The following NXPH2 variants were observed in gnomAD, a reference collection of about 807,000 sequenced individuals.
The protein encoded by NXPH2 is neurexophilin-2.
NXPH2 carries 5 observed loss-of-function variants against 19.8 expected under a neutral mutation model. The observed-to-expected ratio is 0.25, with a 90% confidence interval of 0.13 to 0.53. The LOEUF (loss-of-function observed/expected upper bound fraction) is 0.53. Among genes scored for constraint, NXPH2 ranks in the 20% least tolerant of loss-of-function variants. The probability of loss-of-function intolerance (pLI) is 0.96; values close to 1 mark genes in which losing one functional copy is unlikely to be tolerated. For missense variants in NXPH2, 289 were observed against 322.8 expected, an observed-to-expected ratio of 0.90 and a Z score of 0.80; for synonymous variants, 154 against 127.4, an observed-to-expected ratio of 1.21 and a Z score of -1.41.
At chr2:138,719,084 G>A (rs1170256373) in intron 1 of NXPH2, among the ~76,000 whole-genome samples, 3 of 152,054 alleles carry the variant, frequency 2.0e-5, no homozygotes, top group Non-Finnish European at 2.9e-5. Flanking sequence ...CAGTAAGAAA[G>A]ACAGCTTTTC....
At chr2:138,759,998 A>G (rs1573981147) in intron 1 of NXPH2, among the ~76,000 whole-genome samples, 1 of 152,084 alleles carries the variant, frequency 6.6e-6, no homozygotes, top group Non-Finnish European at 1.5e-5. Flanking sequence ...CAAAGTGCTG[A>G]GATTACAGGC....
intron 1 of NXPH2, among the ~76,000 whole-genome samples, chr2:138,703,548 G>A (rs767230792): frequency 3.9e-5 from 6 of 152,132 alleles, no homozygotes; most frequent in African/African-American, 7.2e-5. Context: ...GCATTGGAGA[G>A]GTTCGCATAT....
intron 1 of NXPH2, among the ~76,000 whole-genome samples, chr2:138,750,693 T>A (rs1481606875): frequency 6.6e-6 from 1 of 152,132 alleles, no homozygotes; most frequent in Non-Finnish European, 1.5e-5. Context: ...GCAAATCTGC[T>A]GGACAAAAAT....
chr2:138,706,703 G>A (rs1199231355), intron 1 of NXPH2, among the ~76,000 whole-genome samples: 1 of 152,054 alleles, frequency 6.6e-6, no homozygotes, highest in Non-Finnish European at 1.5e-5. Flanking sequence ...CTTGAAGTCA[G>A]GAGTTTGAGA....
chr2:138,688,136 G>A (rs938941273), intron 1 of NXPH2, among the ~76,000 whole-genome samples: 2 of 152,102 alleles, frequency 1.3e-5, no homozygotes, highest in Admixed American at 6.6e-5. Context: ...GGGCAGTATG[G>A]CCATTTTCAC....
intron 1 of NXPH2, among the ~76,000 whole-genome samples, chr2:138,731,369 C>A (rs534941472): frequency 1.3e-5 from 2 of 152,034 alleles, no homozygotes; most frequent in Admixed American, 1.3e-4. Context: ...TGTGTACCTG[C>A]TCTTGCCAGC....
At chr2:138,755,613 A>G (rs1319957356) in intron 1 of NXPH2, among the ~76,000 whole-genome samples, 1 of 152,044 alleles carries the variant, frequency 6.6e-6, no homozygotes. Context: ...AGGTAATGTG[A>G]GCCCTTCAGT....
intron 1 of NXPH2, among the ~76,000 whole-genome samples, chr2:138,731,161 A>C (rs74574350): frequency 0.02 from 2,979 of 152,118 alleles, 93 homozygotes; most frequent in African/African-American, 0.068. Flanking sequence ...GCTTTTTTAG[A>C]GCAGGAACCA....
At chr2:138,730,113 T>G (rs1681424624) in intron 1 of NXPH2, among the ~76,000 whole-genome samples, 1 of 152,158 alleles carries the variant, frequency 6.6e-6, no homozygotes, top group African/African-American at 2.4e-5. Context: ...TGCTTCCTCT[T>G]ACAAGAACAC....
At chr2:138,720,834 T>C (rs1349396390) in intron 1 of NXPH2, among the ~76,000 whole-genome samples, 2 of 152,140 alleles carry the variant, frequency 1.3e-5, no homozygotes. Flanking sequence ...GTTGTGAACA[T>C]TAAACCAGAT....
intron 1 of NXPH2, among the ~76,000 whole-genome samples, chr2:138,715,143 G>GT (rs1044414196): frequency 2.0e-5 from 3 of 152,048 alleles, no homozygotes; most frequent in Non-Finnish European, 2.9e-5. Flanking sequence ...CAGTCACTTT[G>GT]TTTTTTTACT....
At chr2:138,736,743 C>G (rs1336712642) in intron 1 of NXPH2, among the ~76,000 whole-genome samples, 3 of 152,218 alleles carry the variant, frequency 2.0e-5, no homozygotes, top group Non-Finnish European at 4.4e-5. Flanking sequence ...ATTTTCCAAA[C>G]TTTTATGCTA....
intron 1 of NXPH2, among the ~76,000 whole-genome samples, chr2:138,705,861 G>C (rs547409088): frequency 1.3e-5 from 2 of 152,202 alleles, no homozygotes; most frequent in African/African-American, 2.4e-5. Flanking sequence ...CCCCTCTTCG[G>C]ACCAAATGCC....
At chr2:138,689,388 T>C (rs1277484298) in intron 1 of NXPH2, among the ~76,000 whole-genome samples, 2 of 152,146 alleles carry the variant, frequency 1.3e-5, no homozygotes, top group Non-Finnish European at 1.5e-5. Context: ...AGAATGGTTC[T>C]GGAAAATAAA....
intron 1 of NXPH2, among the ~76,000 whole-genome samples, chr2:138,715,551 T>G (rs2104990476): frequency 6.6e-6 from 1 of 152,270 alleles, no homozygotes; most frequent in East Asian, 1.9e-4. Context: ...TGCTTTCTCC[T>G]CTGAATTGGA....
chr2:138,718,820 A>G (rs1187426173), intron 1 of NXPH2, among the ~76,000 whole-genome samples: 1 of 152,212 alleles, frequency 6.6e-6, no homozygotes, highest in African/African-American at 2.4e-5. Flanking sequence ...AAAAGCTTTG[A>G]ATTAACCTAT....
rs1039520281 is a variant in NXPH2, at chr2:138,670,836, A to G, written c.*86T>C. On this transcript the variant is annotated 3_prime_UTR_variant, in exon 2 of 2. Coordinates refer to ENST00000272641, the MANE Select transcript of NXPH2 (RefSeq NM_007226.3). Reference sequence around the variant, plus strand: ...TTGTTCACTGCCAGAAACAAAAGGGATCCTTTATCATAAAGAGCTGGGCTT... The same window carrying G: ...TTGTTCACTGCCAGAAACAAAAGGGGTCCTTTATCATAAAGAGCTGGGCTT... 7.9e-6 allele frequency: 11 copies of G among 1,394,044 alleles called. No individual in the cohort carries two copies. In the Admixed American group the frequency reaches 9.3e-5, roughly 12 times the overall value. 86.4% of individuals were successfully genotyped at this position (1,394,044 alleles called of 1,614,324 possible).
Position 138,780,197 on chromosome 2 carries a change from C to T in NXPH2, c.45G>A (p.Leu15=). 1 of 1,490,298 alleles carries T rather than the reference C, an allele frequency of 6.7e-7. No individual in the cohort carries two copies. The highest frequency in any genetic ancestry group is 8.9e-7 in the Non-Finnish European group (1 of 1,128,500). 92.3% of individuals were successfully genotyped at this position (1,490,298 alleles called of 1,614,324 possible). Residue 15 remains leucine, a synonymous_variant, in exon 1 of 2, where the codon CTG becomes CTA. Transcript: ENST00000272641. Reference sequence around the variant, plus strand: ...GCGCGGGCCGGGCACTCACCAGCTGCAGCAAGCCAGGGACCACCACGAGGG... The same window carrying T: ...GCGCGGGCCGGGCACTCACCAGCTGTAGCAAGCCAGGGACCACCACGAGGG... ...PLPLVVVPGL[L]QLLFCDSKEV... is the part of the protein sequence containing the mutation.
chr2:138,718,417 C>T (rs535502303), intron 1 of NXPH2, among the ~76,000 whole-genome samples: 2 of 152,122 alleles, frequency 1.3e-5, no homozygotes, highest in African/African-American at 4.8e-5. Context: ...AAACAAAACC[C>T]TCTCTGGGAT....
Sources: allele counts gnomAD v4.1 joint callset (sites outside exome capture counted in the v4.1 genomes callset), GRCh38; gene constraint gnomAD v4.1.1; transcripts MANE v1.5; gene names NCBI Gene and HGNC (gene_info 2026-07-23, HGNC 2026-07-21).